TMEM132B: variants seen among roughly 807,000 people sequenced by gnomAD.
TMEM132B encodes the protein transmembrane protein 132B.
Under a neutral mutation model 90.8 loss-of-function variants are expected in TMEM132B, and 18 were observed. The observed-to-expected ratio is 0.20, with a 90% CI of 0.14 to 0.29. The LOEUF (loss-of-function observed/expected upper bound fraction) is 0.29, where lower values mean the gene tolerates loss of function less well. TMEM132B is among the 10% of genes least tolerant of loss of function. TMEM132B has a pLI of 1.00. For missense variants in TMEM132B, 1,096 were observed against 1,326.8 expected (o/e 0.83, Z 2.70); for synonymous variants, 504 against 523.3 (o/e 0.96, Z 0.50).
chr12:125,580,345 T>A lies in TMEM132B; in HGVS notation c.1294-3506T>A, dbSNP rs574821880. Among the ~76,000 whole-genome samples the A allele has an allele frequency of 4.6e-5, 7 of 152,348 alleles. No homozygotes were observed. In the East Asian group the frequency reaches 1.3e-3, roughly 29 times the overall value. The stretch of plus-strand genomic sequence containing the variant: ...AAAAGTCAAACAGTTGCCTGGCAAG[T>A]ATCTCTAGGGAAAGAGCTTTCCATA... On this transcript the variant is annotated intron_variant, in intron 4 of 8. Transcript: ENST00000682704.
At chr12:125,482,635 A>G (rs1166986639) in intron 3 of TMEM132B, among the ~76,000 whole-genome samples, 1 of 152,224 alleles carries the variant, frequency 6.6e-6, no homozygotes, top group Non-Finnish European at 1.5e-5. Context: ...GAACACTTTC[A>G]CGCTGTTGGT....
intron 2 of TMEM132B, among the ~76,000 whole-genome samples, chr12:125,376,013 C>T (rs1273015771): frequency 1.3e-5 from 2 of 152,170 alleles, no homozygotes; most frequent in African/African-American, 4.8e-5. Flanking sequence ...CACTGAATTA[C>T]CTGTTGAGAG....
intron 1 of TMEM132B, among the ~76,000 whole-genome samples, chr12:125,311,366 A>C (rs1367589272): frequency 6.6e-6 from 1 of 152,212 alleles, no homozygotes; most frequent in Non-Finnish European, 1.5e-5. Context: ...ATTTAAACAG[A>C]CATGAAAGTC....
chr12:125,220,900 T>C (rs1207613807), intron 1 of TMEM132B, among the ~76,000 whole-genome samples: 1 of 152,256 alleles, frequency 6.6e-6, no homozygotes, highest in Non-Finnish European at 1.5e-5. Flanking sequence ...ACTCACTCTT[T>C]GTCAGCCACT....
chr12:125,190,174 C>T (rs1957788475), intron 1 of TMEM132B, among the ~76,000 whole-genome samples: 2 of 152,170 alleles, frequency 1.3e-5, no homozygotes, highest in Non-Finnish European at 2.9e-5. Context: ...CCTGGGCTCC[C>T]CTCTCCTTAA....
chr12:125,493,982 T>C (rs1428949226), intron 3 of TMEM132B, among the ~76,000 whole-genome samples: 558 of 26,122 alleles, frequency 0.021, no homozygotes, highest in Admixed American at 0.025. Flanking sequence ...CCCTCCTCCC[T>C]CTTCTCCCTG....
intron 2 of TMEM132B, among the ~76,000 whole-genome samples, chr12:125,363,790 C>T (rs1878037636): frequency 6.6e-6 from 1 of 152,190 alleles, no homozygotes; most frequent in Non-Finnish European, 1.5e-5. Flanking sequence ...GGTTTGGACT[C>T]AGGTCTTCCC....
intron 3 of TMEM132B, among the ~76,000 whole-genome samples, chr12:125,501,853 C>T (rs1214905644): frequency 6.6e-6 from 1 of 152,158 alleles, no homozygotes; most frequent in East Asian, 1.9e-4. Flanking sequence ...GTCTCTAAGG[C>T]TAAGTATTTG....
At chr12:125,646,339 G>A (rs769016828) in intron 6 of TMEM132B, among the ~76,000 whole-genome samples, 22 of 152,186 alleles carry the variant, frequency 1.4e-4, no homozygotes, top group Non-Finnish European at 3.2e-4. Context: ...AAGAAACAGG[G>A]ACCTGATGAT....
At chr12:125,309,510 C>G (rs1234003038) in intron 1 of TMEM132B, among the ~76,000 whole-genome samples, 1 of 151,974 alleles carries the variant, frequency 6.6e-6, no homozygotes, top group African/African-American at 2.4e-5. Context: ...ATGTGCCAGG[C>G]TCTGTCCTAG....
chr12:125,647,905 T>C (rs1033722088), intron 6 of TMEM132B, among the ~76,000 whole-genome samples: 2 of 151,706 alleles, frequency 1.3e-5, no homozygotes, highest in African/African-American at 4.8e-5. Flanking sequence ...TCCTTTTTTT[T>C]TTTTTTTTTA....
At position 125,337,933 on chromosome 12, in the gene TMEM132B, G is replaced by GTGA. The variant is rs533088309; in HGVS notation, c.68-11515_68-11513dup. ...GCCATTTCTGGTTTTAGTTCTTCTG[G>GTGA]TGATGACTTCTATAATTATTCATCT... On this transcript the variant is annotated intron_variant, in intron 1 of 8. Coordinates refer to ENST00000682704, the MANE Select transcript of TMEM132B (RefSeq NM_001366854.1). Among the ~76,000 whole-genome samples, 24 of 152,222 alleles carry GTGA rather than the reference G, an allele frequency of 1.6e-4. No individual in the cohort carries two copies. The South Asian group carries it at 5.0e-3, about 32-fold the overall frequency.
At position 125,392,018 on chromosome 12, in the gene TMEM132B, C is replaced by G. The variant is rs977020946; in HGVS notation, c.960-23513C>G. On this transcript the variant is annotated intron_variant, in intron 2 of 8. Coordinates refer to ENST00000682704, the MANE Select transcript of TMEM132B (RefSeq NM_001366854.1). ...CTGAGCTCAAGGCATCTGCCTGTCT[C>G]AGCCTCTCAAAGTGCGGGGATTACA... is the stretch of plus-strand genomic sequence containing the variant. 3.3e-5 allele frequency among the ~76,000 whole-genome samples: 5 copies of G among 152,354 alleles called. No homozygotes were observed. In the East Asian group the frequency reaches 9.6e-4, roughly 29 times the overall value.
At chr12:125,629,817 A>G (rs1358597097) in intron 5 of TMEM132B, among the ~76,000 whole-genome samples, 1 of 152,064 alleles carries the variant, frequency 6.6e-6, no homozygotes, top group Admixed American at 6.6e-5. Context: ...TGTTCCTTGT[A>G]TACTCAGTTT....
At chr12:125,290,773 C>T (rs1332283828) in intron 1 of TMEM132B, among the ~76,000 whole-genome samples, 1 of 152,118 alleles carries the variant, frequency 6.6e-6, no homozygotes, top group Non-Finnish European at 1.5e-5. Context: ...TGTCCTGGTA[C>T]ATCTCCTTGT....
chr12:125,461,799 C>G (rs535378124), intron 3 of TMEM132B, among the ~76,000 whole-genome samples: 22 of 152,346 alleles, frequency 1.4e-4, no homozygotes, highest in African/African-American at 5.1e-4. Context: ...CCGGCGCTGC[C>G]AGGCCACCCT....
At chr12:125,316,388 G>C (rs538548644) in intron 1 of TMEM132B, among the ~76,000 whole-genome samples, 2 of 151,994 alleles carry the variant, frequency 1.3e-5, no homozygotes, top group East Asian at 3.9e-4. Flanking sequence ...GCATCTCTTC[G>C]CACTCTTTCT....
chr12:125,341,746 A>C lies in TMEM132B; in HGVS notation c.68-7706A>C, dbSNP rs915514805. Reference sequence around the variant, plus strand: ...GCCTCACTTGAGACCATCTGAAGGAACTCTGAGGGGGCAGGTCCTAAGCAT... The same window carrying C: ...GCCTCACTTGAGACCATCTGAAGGACCTCTGAGGGGGCAGGTCCTAAGCAT... On this transcript the variant is annotated intron_variant, in intron 1 of 8. Transcript: ENST00000682704. 3.3e-5 allele frequency among the ~76,000 whole-genome samples: 5 copies of C among 152,138 alleles called. 1 individual carries two copies. The South Asian group carries it at 1.0e-3, about 32-fold the overall frequency.
chr12:125,562,939 A>G (rs1884568767), intron 4 of TMEM132B, among the ~76,000 whole-genome samples: 1 of 151,992 alleles, frequency 6.6e-6, no homozygotes, highest in Non-Finnish European at 1.5e-5. Flanking sequence ...TAGGGTTACT[A>G]ACAGACTTAA....
Sources: gnomAD v4.1 joint callset for allele counts (sites outside exome capture counted in the v4.1 genomes callset) on GRCh38, gnomAD v4.1.1 for gene constraint, MANE v1.5 for transcripts, NCBI Gene and HGNC (gene_info 2026-07-23, HGNC 2026-07-21) for gene names.